The following ENTPD4 variants were observed in gnomAD, a reference collection of about 807,000 sequenced individuals.
ENTPD4 encodes the protein ectonucleoside triphosphate diphosphohydrolase 4.
A neutral mutation model predicts 79.1 loss-of-function variants in ENTPD4; 60 were observed. The observed-to-expected ratio is 0.76, with a 90% CI of 0.62 to 0.94. ENTPD4 has a LOEUF of 0.94. ENTPD4 is among the 40% of genes least tolerant of loss of function. The probability of loss-of-function intolerance (pLI) is 0.00; values close to 1 mark genes in which losing one functional copy is unlikely to be tolerated. For synonymous variants in ENTPD4, 276 were observed against 292.0 expected, an observed-to-expected ratio of 0.95 and a Z score of 0.56; for missense variants, 772 against 775.1, an observed-to-expected ratio of 1.00 and a Z score of 0.05.
intron 11 of ENTPD4, 38 bp from the exon 12 acceptor site, chr8:23,434,516 C>G (rs999760918): frequency 6.2e-7 from 1 of 1,609,896 alleles, no homozygotes; most frequent in Non-Finnish European, 8.5e-7. Context: ...CAGACTGACT[C>G]ACTCTGTCAA....
At position 23,431,376 on chromosome 8, in the gene ENTPD4, ACACTCG is replaced by A; in HGVS notation, c.*1544_*1549del. 1 of 985,420 alleles carries A rather than the reference ACACTCG, an allele frequency of 1.0e-6. No individual in the cohort carries two copies. The highest frequency in any genetic ancestry group is 1.2e-6 in the Non-Finnish European group (1 of 829,934). The allele number at this position is 985,420 out of a possible 1,614,324, so 61.0% of individuals were successfully genotyped here. A position where few individuals can be genotyped will look rare whatever the true frequency, so the allele number is the denominator to read the frequency against. On this transcript the variant is annotated 3_prime_UTR_variant, in exon 13 of 13. Coordinates refer to ENST00000358689, the MANE Select transcript of ENTPD4 (RefSeq NM_004901.5). ...TGGAGTTAGGGAACAGCACACACAG[ACACTCG>A]CACAAAACAAACTCCACCTAAAAAA...
chr8:23,429,455 A>G lies in ENTPD4; in HGVS notation c.*3471T>C, dbSNP rs914754118. The G allele has an allele frequency of 3.0e-6, 3 of 985,104 alleles. No homozygotes were observed. Among genetic ancestry groups the G allele is most frequent in the African/African-American group, 1.7e-5 (1 of 57,256 alleles). 61.0% of individuals were successfully genotyped at this position (985,104 alleles called of 1,614,324 possible). ...CAAAAGAAACAAAACACTGAAATAA[A>G]TAACTAAGTAATTTACTGAAAGGTA... On this transcript the variant is annotated 3_prime_UTR_variant, in exon 13 of 13. Coordinates refer to ENST00000358689, the MANE Select transcript of ENTPD4 (RefSeq NM_004901.5).
intron 1 of ENTPD4, among the ~76,000 whole-genome samples, chr8:23,451,415 T>A (rs1016746060): frequency 1.3e-5 from 2 of 152,194 alleles, no homozygotes; most frequent in African/African-American, 2.4e-5. Context: ...CAGGCTCTTA[T>A]CTCTTGCCTG....
Position 23,444,503 on chromosome 8 carries a change from T to C in ENTPD4, c.516A>G (p.Thr172=), listed in dbSNP as rs1459400372. 2.5e-6 allele frequency: 4 copies of C among 1,613,876 alleles called. No individual in the cohort carries two copies. The highest frequency in any genetic ancestry group is 1.6e-4 in the Middle Eastern group (1 of 6,078). Residue 172 remains threonine (T), a synonymous_variant, in exon 5 of 13, where the codon ACA becomes ACG. Transcript: ENST00000358689. ...EHVPRAKHKE[T]PLYILCTAGM... The stretch of plus-strand genomic sequence containing the variant: ...CAGCCGTGCAGAGAATGTAGAGAGG[T>C]GTCTCTTTGTGTTTTGCCCGTGGCA...
intron 11 of ENTPD4, 60 bp from the exon 12 acceptor site, chr8:23,434,538 C>A: frequency 6.3e-7 from 1 of 1,588,458 alleles, no homozygotes; most frequent in Non-Finnish European, 8.6e-7. Context: ...ATGGCACACA[C>A]ACACACACAC....
intron 1 of ENTPD4, among the ~76,000 whole-genome samples, chr8:23,451,463 C>A (rs1305872255): frequency 2.6e-5 from 4 of 152,178 alleles, no homozygotes; most frequent in Admixed American, 2.6e-4. Flanking sequence ...TACCGGCAGT[C>A]TCAACCAGTG....
At chr8:23,452,435 C>T (rs559247316) in intron 1 of ENTPD4, among the ~76,000 whole-genome samples, 1 of 152,274 alleles carries the variant, frequency 6.6e-6, no homozygotes, top group African/African-American at 2.4e-5. Flanking sequence ...AAAAGAGGTC[C>T]CTCATGATTT....
intron 4 of ENTPD4, among the ~76,000 whole-genome samples, chr8:23,447,129 T>G (rs1254766750): frequency 1.3e-5 from 2 of 152,228 alleles, no homozygotes; most frequent in African/African-American, 4.8e-5. Context: ...GTAAATTACC[T>G]AATAAGGAAG....
At chr8:23,444,386 A>AG in intron 5 of ENTPD4, 70 bp downstream of exon 5, 4 of 1,307,202 alleles carry the variant, frequency 3.1e-6, no homozygotes, top group Non-Finnish European at 3.2e-6. Context: ...AGAAGGAGGA[A>AG]GGGGGAGAAG....
At chr8:23,454,652 CG>C (rs1183240418) in intron 1 of ENTPD4, among the ~76,000 whole-genome samples, 2 of 151,296 alleles carry the variant, frequency 1.3e-5, no homozygotes, top group African/African-American at 4.9e-5. Flanking sequence ...GGAAGGTGAC[CG>C]AGAGAATGAT....
chr8:23,436,130 A>G (rs537358564), intron 10 of ENTPD4, among the ~76,000 whole-genome samples: 1 of 152,338 alleles, frequency 6.6e-6, no homozygotes, highest in South Asian at 2.1e-4. Flanking sequence ...GCACTTCAGG[A>G]ACATGGACAT....
At chr8:23,453,191 A>C (rs1019303713) in intron 1 of ENTPD4, among the ~76,000 whole-genome samples, 10 of 152,252 alleles carry the variant, frequency 6.6e-5, no homozygotes, top group Admixed American at 5.2e-4. Flanking sequence ...CACTTTAATT[A>C]GTTCAAGTTT....
chr8:23,431,382 G>A lies in ENTPD4; in HGVS notation c.*1544C>T, dbSNP rs7842651. 0.33 allele frequency: 329,724 copies of A among 984,540 alleles called. 58,131 individuals carry two copies. The highest frequency in any genetic ancestry group is 0.62 in the African/African-American group (35,312 of 57,232). 61.0% of individuals were successfully genotyped at this position (984,540 alleles called of 1,614,324 possible). ...TAGGGAACAGCACACACAGACACTC[G>A]CACAAAACAAACTCCACCTAAAAAA... On this transcript the variant is annotated 3_prime_UTR_variant, in exon 13 of 13. Transcript: ENST00000358689.
At chr8:23,442,658 G>A (rs934800311) in intron 6 of ENTPD4, among the ~76,000 whole-genome samples, 7 of 151,606 alleles carry the variant, frequency 4.6e-5, no homozygotes, top group African/African-American at 1.7e-4. Context: ...ACTCCAGCCT[G>A]GTGACAGAGC....
At chr8:23,455,715 C>A (rs1322420855) in intron 1 of ENTPD4, among the ~76,000 whole-genome samples, 4 of 152,122 alleles carry the variant, frequency 2.6e-5, no homozygotes, top group Non-Finnish European at 5.9e-5. Context: ...GTTCCAGTTC[C>A]ACGTTCCAAG....
intron 1 of ENTPD4, among the ~76,000 whole-genome samples, chr8:23,451,250 G>A (rs1217792378): frequency 6.6e-6 from 1 of 152,108 alleles, no homozygotes; most frequent in Non-Finnish European, 1.5e-5. Flanking sequence ...TCGAGCCCCT[G>A]ACCCGGTGAT....
At chr8:23,450,654 G>A (rs560182074) in intron 1 of ENTPD4, among the ~76,000 whole-genome samples, 4 of 152,304 alleles carry the variant, frequency 2.6e-5, no homozygotes, top group African/African-American at 7.2e-5. Context: ...TCCTTTAAGC[G>A]TTGTTCTCTG....
intron 8 of ENTPD4, 56 bp from the exon 9 acceptor site, chr8:23,439,971 AAAAAG>A (rs1189206589): frequency 3.9e-5 from 58 of 1,498,112 alleles, no homozygotes; most frequent in Admixed American, 1.1e-4. Flanking sequence ...GCCTCCTACT[AAAAAG>A]AAAAGTCTAA....
chr8:23,439,656 C>G (rs1210193021), intron 9 of ENTPD4, 93 bp downstream of exon 9: 2 of 1,159,086 alleles, frequency 1.7e-6, no homozygotes, highest in African/African-American at 3.0e-5. Flanking sequence ...CACACTTTTG[C>G]TAATTGAGTT....
Sources: allele counts gnomAD v4.1 joint callset (sites outside exome capture counted in the v4.1 genomes callset), GRCh38; gene constraint gnomAD v4.1.1; transcripts MANE v1.5; gene names NCBI Gene and HGNC (gene_info 2026-07-23, HGNC 2026-07-21).